Variants in CTTN observed in about 807,000 individuals in gnomAD.
The protein encoded by CTTN is src substrate cortactin.
A neutral mutation model predicts 84.0 loss-of-function variants in CTTN; 28 were observed. The ratio of observed to expected loss-of-function variants is 0.33; its 90% CI spans 0.25 to 0.46. The LOEUF (loss-of-function observed/expected upper bound fraction) is 0.46, where lower values mean the gene tolerates loss of function less well. Among genes scored for constraint, CTTN ranks in the 20% least tolerant of loss-of-function variants. CTTN has a pLI of 1.00. For missense variants in CTTN, 641 were observed against 723.8 expected (o/e 0.89, Z 1.31); for synonymous variants, 301 against 288.8 (o/e 1.04, Z -0.43).
In CTTN at chr11:70,422,663, C is replaced by T. The variant is rs893756870; in HGVS notation, c.902-277C>T. The T allele has an allele frequency of 2.8e-6, 4 of 1,405,768 alleles. No individual in the cohort carries two copies. In the African/African-American group the frequency reaches 4.3e-5, roughly 15 times the overall value. 87.1% of individuals were successfully genotyped at this position (1,405,768 alleles called of 1,614,324 possible). A position where few individuals can be genotyped will look rare whatever the true frequency, so the allele number is the denominator to read the frequency against. ...CCGTGCCCTCTTTCCTCGCTTAGCTCCTGCCTGCTGCCCGCCGCCCCTCCT... is the reference window on the plus strand; with the variant it reads ...CCGTGCCCTCTTTCCTCGCTTAGCTTCTGCCTGCTGCCCGCCGCCCCTCCT... On this transcript the variant is annotated intron_variant, in intron 11 of 17. Transcript: ENST00000301843.
rs757372494 is a variant in CTTN, at chr11:70,417,064, A to T, written c.509A>T (p.Asp170Val). ...TATGGCGTGCAGGCCGACCGAGTAG[A>T]CAAGAGCGCGGTGGGCTTCGACTAC... Reference protein sequence around the residue: ...GKYGVQADRVDKSAVGFDYQG... With the variant: ...GKYGVQADRVVKSAVGFDYQG... Residue 170 changes from aspartate to valine, a missense_variant, in exon 8 of 18, where the codon GAC becomes GTC. Asp to Val is a radical substitution (Grantham distance 152, BLOSUM62 -3). Transcript: ENST00000301843. 1.2e-6 allele frequency: 2 copies of T among 1,614,226 alleles called. No homozygotes were observed. Among genetic ancestry groups the T allele is most frequent in the Non-Finnish European group, 1.7e-6 (2 of 1,180,054 alleles).
chr11:70,427,901 G>T (rs765807363), intron 13 of CTTN, among the ~76,000 whole-genome samples: 1 of 152,076 alleles, frequency 6.6e-6, no homozygotes, highest in African/African-American at 2.4e-5. Context: ...GAATTTTCCC[G>T]TTGGCAACAA....
intron 4 of CTTN, 27 bp downstream of exon 4, chr11:70,407,618 G>A (rs377265857): frequency 2.0e-5 from 32 of 1,605,720 alleles, no homozygotes; most frequent in African/African-American, 1.3e-4. Context: ...CCACCCTCCC[G>A]AGGGCCCCTC....
intron 2 of CTTN, among the ~76,000 whole-genome samples, chr11:70,406,941 TG>T (rs1304799743): frequency 6.6e-6 from 1 of 152,248 alleles, no homozygotes; most frequent in Non-Finnish European, 1.5e-5. Context: ...CTTTTATTTT[TG>T]GTTGGAAACT....
At chr11:70,414,722 G>A in intron 6 of CTTN, 70 bp downstream of exon 6, 1 of 1,163,836 alleles carries the variant, frequency 8.6e-7, no homozygotes, top group Non-Finnish European at 1.3e-6. Flanking sequence ...TCTGAGCCCT[G>A]TTGGGCCACT....
chr11:70,420,333 C>A, intron 9 of CTTN, 67 bp from the exon 10 acceptor site: 1 of 1,029,856 alleles, frequency 9.7e-7, no homozygotes, highest in Non-Finnish European at 1.5e-6. Flanking sequence ...GTATTGAAAA[C>A]ATACTTTCCA....
intron 8 of CTTN, among the ~76,000 whole-genome samples, chr11:70,418,803 A>C (rs1242577132): frequency 7.3e-6 from 1 of 137,438 alleles, no homozygotes; most frequent in African/African-American, 2.8e-5. Context: ...TTTGAGACGG[A>C]GTCTCTCTCT....
Position 70,431,211 on chromosome 11 carries a change from G to A in CTTN, c.1197G>A (p.Thr399=), listed in dbSNP as rs138550439. The A allele has an allele frequency of 1.2e-3, 1,963 of 1,614,154 alleles. 5 individuals carry two copies. The highest frequency in any genetic ancestry group is 3.2e-3 in the South Asian group (288 of 91,090). ...CACAGGAGCAAGCCAGAGCCAAAAC[G>A]CAAACGCCCCCTGTGTCGCCCGCAC... ...RKLEEQARAK[T]QTPPVSPAPQ... Residue 399 remains threonine (T), a synonymous_variant, in exon 15 of 18, where the codon ACG becomes ACA. Transcript: ENST00000301843.
At chr11:70,421,971 T>A (rs982329985) in intron 11 of CTTN, 4 of 219,710 alleles carry the variant, frequency 1.8e-5, no homozygotes, top group African/African-American at 9.1e-5. Context: ...AGAGAGGTGT[T>A]GGTTCAACCA....
At chr11:70,411,401 CGGAA>C in intron 5 of CTTN, among the ~76,000 whole-genome samples, 1 of 122,276 alleles carries the variant, frequency 8.2e-6, no homozygotes, top group African/African-American at 3.8e-5. Context: ...CACGGACAGA[CGGAA>C]TCCGTGTTCA....
intron 17 of CTTN, 83 bp downstream of exon 17, chr11:70,433,801 T>C: frequency 1.1e-6 from 1 of 890,532 alleles, no homozygotes; most frequent in Non-Finnish European, 1.9e-6. Flanking sequence ...TTCACTTCTC[T>C]AGCGTTGTTA....
rs375084241 is a variant in CTTN at position 70,417,111 on chromosome 11, G to A, written c.556G>A (p.Glu186Lys). Residue 186 changes from glutamate (E) to lysine (K), a missense_variant, in exon 8 of 18, where the codon GAG becomes AAG. Glu to Lys is a moderately conservative substitution (Grantham distance 56). Around this residue, in one of 3 missense-constraint regions of CTTN, gnomAD observed 284 missense variants for 348.4 expected, o/e 0.82. Coordinates refer to ENST00000301843, the MANE Select transcript of CTTN (RefSeq NM_005231.4). ...FDYQGKTEKHESQRDYSKGFG... is the reference protein window; with the variant it reads ...FDYQGKTEKHKSQRDYSKGFG... ...CTACCAGGGCAAGACGGAGAAGCACGAGTCACAGAGAGGTGGGGCGGACCC... is the reference window on the plus strand; with the variant it reads ...CTACCAGGGCAAGACGGAGAAGCACAAGTCACAGAGAGGTGGGGCGGACCC... 5.6e-6 allele frequency: 9 copies of A among 1,613,768 alleles called. No homozygotes were observed. Among genetic ancestry groups the A allele is most frequent in the South Asian group, 2.2e-5 (2 of 91,088 alleles).
chr11:70,410,160 C>T, intron 5 of CTTN, 200 bp downstream of exon 5: 2 of 536,782 alleles, frequency 3.7e-6, no homozygotes, highest in South Asian at 2.5e-5. Context: ...CTTTAGGAAT[C>T]CTCAGAGGTG....
At chr11:70,408,934 C>T (rs2058072221) in intron 4 of CTTN, among the ~76,000 whole-genome samples, 1 of 152,050 alleles carries the variant, frequency 6.6e-6, no homozygotes, top group Non-Finnish European at 1.5e-5. Context: ...CCTGTGGCTT[C>T]AAAACATGTC....
chr11:70,418,140 C>T (rs986051228), intron 8 of CTTN, among the ~76,000 whole-genome samples: 5 of 152,194 alleles, frequency 3.3e-5, no homozygotes, highest in Non-Finnish European at 5.9e-5. Flanking sequence ...AAAAAATTAC[C>T]CCAAAGCAAG....
At chr11:70,400,500 A>G (rs1265179597) in intron 1 of CTTN, among the ~76,000 whole-genome samples, 2 of 152,054 alleles carry the variant, frequency 1.3e-5, no homozygotes, top group African/African-American at 4.8e-5. Context: ...GGTGCCATCT[A>G]GCACACTGCA....
intron 5 of CTTN, 65 bp downstream of exon 5, chr11:70,410,025 G>C: frequency 1.3e-6 from 2 of 1,574,020 alleles, no homozygotes; most frequent in Non-Finnish European, 1.7e-6. Context: ...CTGGGTGGCA[G>C]AGTCGTCCCT....
intron 12 of CTTN, among the ~76,000 whole-genome samples, chr11:70,424,698 G>A (rs1045376831): frequency 2.0e-5 from 3 of 152,020 alleles, no homozygotes; most frequent in Admixed American, 1.3e-4. Context: ...GTCCGAGGAA[G>A]GACAGGCGGG....
In CTTN at chr11:70,427,317, C is replaced by T. The variant is rs144850916; in HGVS notation, c.1028-1734C>T. On this transcript the variant is annotated intron_variant, in intron 13 of 17. Coordinates refer to ENST00000301843, the MANE Select transcript of CTTN (RefSeq NM_005231.4). ...TGAGCCTTGATTGCGCCACTGCACT[C>T]CAGCCTGGGCGACAACAGCTAAACT... Among the ~76,000 whole-genome samples the T allele has an allele frequency of 3.6e-3, 553 of 152,168 alleles. 2 individuals are homozygous for T. Among genetic ancestry groups the T allele is most frequent in the Non-Finnish European group, 5.8e-3 (393 of 68,008 alleles).
Sources: allele counts gnomAD v4.1 joint callset (sites outside exome capture counted in the v4.1 genomes callset), GRCh38; gene constraint gnomAD v4.1.1; regional missense constraint gnomAD v4.1.1; transcripts MANE v1.5; gene names NCBI Gene and HGNC (gene_info 2026-07-23, HGNC 2026-07-21).